Variants in ALG5 observed in about 807,000 individuals in gnomAD.
ALG5 encodes ALG5 dolichyl-phosphate beta-glucosyltransferase.
ALG5 carries 26 observed loss-of-function variants against 51.8 expected under a neutral mutation model. The ratio of observed to expected loss-of-function variants is 0.50; its 90% CI spans 0.37 to 0.70. ALG5 has a LOEUF of 0.70. Among genes scored for constraint, ALG5 ranks in the 30% least tolerant of loss-of-function variants. ALG5 has a pLI of 0.00. For missense variants in ALG5, 311 were observed against 399.3 expected (o/e 0.78, Z 1.88); for synonymous variants, 141 against 136.1 (o/e 1.04, Z -0.25).
At chr13:36,984,255 C>A (rs1201858214) in intron 6 of ALG5, among the ~76,000 whole-genome samples, 1 of 151,954 alleles carries the variant, frequency 6.6e-6, no homozygotes, top group Non-Finnish European at 1.5e-5. Context: ...TACACCACCA[C>A]ACCCTGTTAA....
At chr13:36,966,150 T>C (rs1053819803) in intron 7 of ALG5, among the ~76,000 whole-genome samples, 2 of 152,342 alleles carry the variant, frequency 1.3e-5, no homozygotes, top group Admixed American at 6.5e-5. Context: ...AAGCCTGCAG[T>C]TGATACTTAA....
chr13:36,952,788 T>C (rs1278510714), intron 8 of ALG5, 189 bp from the exon 9 acceptor site: 1 of 420,452 alleles, frequency 2.4e-6, no homozygotes, highest in African/African-American at 2.1e-5. Flanking sequence ...CAAATAATAA[T>C]TTAGAATATC....
At chr13:36,959,687 T>G (rs1216958273) in intron 8 of ALG5, among the ~76,000 whole-genome samples, 1 of 152,160 alleles carries the variant, frequency 6.6e-6, no homozygotes, top group Non-Finnish European at 1.5e-5. Flanking sequence ...TCCAGAATTC[T>G]GAGGAAAAAT....
intron 7 of ALG5, among the ~76,000 whole-genome samples, chr13:36,969,777 C>T (rs986115159): frequency 1.6e-4 from 25 of 152,208 alleles, no homozygotes; most frequent in African/African-American, 5.1e-4. Flanking sequence ...TCAGGTGATC[C>T]GCCTGCCTCG....
rs570224618 is a variant in ALG5, at chr13:36,987,029, C to CA, written c.448-1290dup. Among the ~76,000 whole-genome samples, 409 of 152,266 alleles carry CA rather than the reference C, an allele frequency of 2.7e-3. 2 individuals are homozygous for CA. Among genetic ancestry groups the CA allele is most frequent in the Admixed American group, 9.0e-3 (137 of 15,292 alleles). On this transcript the variant is annotated intron_variant, in intron 5 of 9. Transcript: ENST00000239891. The stretch of plus-strand genomic sequence containing the variant: ...TGTTTCCTCAGTCATATTTTATACC[C>CA]ATTATTTCTCATGTGCCTCACTGCC...
intron 5 of ALG5, among the ~76,000 whole-genome samples, chr13:36,987,557 A>G (rs2059007576): frequency 1.3e-5 from 2 of 152,062 alleles, no homozygotes; most frequent in African/African-American, 4.8e-5. Flanking sequence ...TCCTGCTTCC[A>G]CTTCGCTTTC....
At chr13:36,991,039 A>G (rs1038561425) in intron 4 of ALG5, among the ~76,000 whole-genome samples, 1 of 152,358 alleles carries the variant, frequency 6.6e-6, no homozygotes, top group Non-Finnish European at 1.5e-5. Flanking sequence ...TAAGCATCAC[A>G]TATGAGTTCC....
chr13:36,985,493 C>T, intron 6 of ALG5, 134 bp downstream of exon 6: 2 of 607,648 alleles, frequency 3.3e-6, no homozygotes, highest in South Asian at 2.2e-5. Flanking sequence ...CTCTATGGGG[C>T]TGTACCATTT....
At chr13:36,993,546 G>C (rs1222627631) in intron 4 of ALG5, 58 bp downstream of exon 4, 2 of 1,445,556 alleles carry the variant, frequency 1.4e-6, no homozygotes, top group Non-Finnish European at 9.7e-7. Context: ...GATTTCACAT[G>C]TGCAAAATTA....
intron 8 of ALG5, among the ~76,000 whole-genome samples, chr13:36,964,230 C>T (rs918115319): frequency 1.3e-5 from 2 of 151,954 alleles, no homozygotes; most frequent in African/African-American, 4.8e-5. Flanking sequence ...GAAAAGAGTC[C>T]GCATGTGGAG....
Position 36,978,414 on chromosome 13 carries a change from T to C in ALG5, c.562-6378A>G, listed in dbSNP as rs78203007. On this transcript the variant is annotated intron_variant, in intron 6 of 9. Coordinates refer to ENST00000239891, the MANE Select transcript of ALG5 (RefSeq NM_013338.5). ...GTTGGCCAGGCTGGTCTCAAACTCC[T>C]GACCTCGGGTGATCCGCATGCCTCA... Among the ~76,000 whole-genome samples the C allele has an allele frequency of 8.5e-5, 13 of 152,110 alleles. No homozygotes were observed. The East Asian group carries it at 2.4e-3, about 28-fold the overall frequency.
At chr13:36,954,787 T>A (rs2058832805) in intron 8 of ALG5, among the ~76,000 whole-genome samples, 1 of 152,194 alleles carries the variant, frequency 6.6e-6, no homozygotes, top group African/African-American at 2.4e-5. Context: ...CACTAACAGA[T>A]TCCTAAAGGA....
chr13:36,994,993 C>A lies in ALG5; in HGVS notation c.281G>T (p.Arg94Ile). 1 of 1,612,288 alleles carries A rather than the reference C, an allele frequency of 6.2e-7. No homozygotes were observed. Among genetic ancestry groups the A allele is most frequent in the Non-Finnish European group, 8.5e-7 (1 of 1,178,962 alleles). Residue 94 changes from arginine to isoleucine, a missense_variant, in exon 3 of 10, where the codon AGA becomes ATA. By Grantham distance (97) the Arg-to-Ile change is moderately conservative. Transcript: ENST00000239891. The part of the protein sequence containing the change: ...MDEALSYLEK[R>I]QKRDPAFTYE... ...TTAAAAGAGAAAACATGATACCTGT[C>A]TCTTCTCTAGATAGCTCAGAGCTTC...
chr13:36,967,238 G>GA (rs1170494511), intron 7 of ALG5, among the ~76,000 whole-genome samples: 249 of 147,104 alleles, frequency 1.7e-3, no homozygotes, highest in African/African-American at 5.9e-3. Context: ...AAAAAAAAAA[G>GA]AAAAAAAGAA....
At chr13:36,966,262 G>T (rs1458827778) in intron 7 of ALG5, among the ~76,000 whole-genome samples, 2 of 152,124 alleles carry the variant, frequency 1.3e-5, no homozygotes, top group Non-Finnish European at 2.9e-5. Flanking sequence ...GCATGCCAGA[G>T]ATCTAATTAA....
At chr13:36,971,154 T>G (rs1469383126) in intron 7 of ALG5, among the ~76,000 whole-genome samples, 1 of 152,076 alleles carries the variant, frequency 6.6e-6, no homozygotes, top group Non-Finnish European at 1.5e-5. Flanking sequence ...ACCTACAAAA[T>G]GAAGAATTGA....
intron 4 of ALG5, 149 bp downstream of exon 4, chr13:36,993,455 A>C (rs2059034376): frequency 1.5e-6 from 1 of 650,366 alleles, no homozygotes; most frequent in Admixed American, 2.8e-5. Flanking sequence ...CCATAAATGA[A>C]ATCTGTTTTT....
intron 8 of ALG5, among the ~76,000 whole-genome samples, chr13:36,964,919 C>CAAAA (rs34435719): frequency 7.3e-6 from 1 of 136,856 alleles, no homozygotes; most frequent in Non-Finnish European, 1.5e-5. Flanking sequence ...GAGCGAAACT[C>CAAAA]AAAAAAAAAA....
intron 3 of ALG5, 26 bp downstream of exon 3, chr13:36,994,963 T>C (rs752248189): frequency 6.2e-7 from 1 of 1,602,516 alleles, no homozygotes; most frequent in Non-Finnish European, 8.5e-7. Context: ...ATTGGAGATA[T>C]CATATTAAAA....
Sources: gnomAD v4.1 joint callset for allele counts (sites outside exome capture counted in the v4.1 genomes callset) on GRCh38, gnomAD v4.1.1 for gene constraint, MANE v1.5 for transcripts, NCBI Gene and HGNC (gene_info 2026-07-23, HGNC 2026-07-21) for gene names.